Variants in LRRCC1 observed in about 807,000 individuals in gnomAD.
LRRCC1 encodes leucine-rich repeat and coiled-coil domain-containing protein 1.
In LRRCC1, 115 loss-of-function variants were observed where a neutral mutation model predicts 126.0. The ratio of observed to expected loss-of-function variants is 0.91; its 90% confidence interval spans 0.78 to 1.07. The LOEUF is 1.07. LRRCC1 is among the 50% of genes least tolerant of loss of function. The pLI is 0.00. For synonymous variants in LRRCC1, 400 were observed against 393.4 expected, an observed-to-expected ratio of 1.02 and a Z score of -0.20; for missense variants, 1,172 against 1,175.7, an observed-to-expected ratio of 1.00 and a Z score of 0.05.
At chr8:85,142,705 C>T (rs1335234448) in intron 18 of LRRCC1, among the ~76,000 whole-genome samples, 1 of 151,980 alleles carries the variant, frequency 6.6e-6, no homozygotes, top group Non-Finnish European at 1.5e-5. Context: ...TGGCGCATGC[C>T]TGTAGTCACA....
At chr8:85,111,007 AC>A (rs1448469009) in intron 3 of LRRCC1, among the ~76,000 whole-genome samples, 1 of 152,226 alleles carries the variant, frequency 6.6e-6, no homozygotes, top group East Asian at 1.9e-4. Flanking sequence ...CCTAGTCTGT[AC>A]CCTTAAGCTG....
chr8:85,129,237 A>G lies in LRRCC1; in HGVS notation c.1484A>G (p.Lys495Arg), dbSNP rs367832321. The change falls in exon 10 of 19, where the codon AAA becomes AGA. Residue 495 changes from lysine (K) to arginine (R), a missense_variant. Physicochemically the swap from Lys to Arg is conservative, Grantham distance 26. Coordinates refer to ENST00000360375, the MANE Select transcript of LRRCC1 (RefSeq NM_033402.5). ...SKGQLEVMVH[K>R]LQNEIKKLTV... The stretch of plus-strand genomic sequence containing the variant: ...GGACAACTCGAAGTTATGGTTCACA[A>G]ACTTCAAAATGAAATTAAAAAACTG... The G allele has an allele frequency of 9.9e-6, 16 of 1,613,558 alleles. No individual in the cohort carries two copies. The African/African-American group carries it at 1.1e-4, about 11-fold the overall frequency.
At chr8:85,129,489 C>T in intron 10 of LRRCC1, 110 bp downstream of exon 10, 1 of 898,340 alleles carries the variant, frequency 1.1e-6, no homozygotes, top group Non-Finnish European at 1.7e-6. Context: ...AGGCCATATG[C>T]AAAAATTAAA....
chr8:85,135,142 A>G (rs1810760504), intron 13 of LRRCC1, 110 bp downstream of exon 13: 4 of 643,160 alleles, frequency 6.2e-6, no homozygotes, highest in Non-Finnish European at 9.7e-6. Flanking sequence ...GATACTAATT[A>G]TATATTGCAT....
In LRRCC1 at chr8:85,141,500, G is replaced by T; in HGVS notation, c.2959G>T (p.Asp987Tyr). 1 of 1,608,548 alleles carries T rather than the reference G, an allele frequency of 6.2e-7. No homozygotes were observed. Among genetic ancestry groups the T allele is most frequent in the Non-Finnish European group, 8.5e-7 (1 of 1,176,668 alleles). The change falls in exon 18 of 19, where the codon GAT becomes TAT. Residue 987 changes from aspartate to tyrosine, a missense_variant. By Grantham distance (160) the Asp-to-Tyr change is radical. Coordinates refer to ENST00000360375, the MANE Select transcript of LRRCC1 (RefSeq NM_033402.5). ...GGCCAATGAAAAGCAGAAGTGTATTGATTCTGCAAATTTAAAGGTATTGTA... is the reference window on the plus strand; with the variant it reads ...GGCCAATGAAAAGCAGAAGTGTATTTATTCTGCAAATTTAAAGGTATTGTA... Reference protein sequence around the residue: ...QLANEKQKCIDSANLKVHQIE... With the variant: ...QLANEKQKCIYSANLKVHQIE...
At chr8:85,142,831 CA>C (rs35806219) in intron 18 of LRRCC1, among the ~76,000 whole-genome samples, 166 of 119,468 alleles carry the variant, frequency 1.4e-3, no homozygotes, top group Admixed American at 2.8e-3. Context: ...GACCCTGTCT[CA>C]AAAAAAAAAA....
chr8:85,144,402 ATGTGTGTGTG>A (rs56280153), intron 18 of LRRCC1, among the ~76,000 whole-genome samples: 92,968 of 137,848 alleles, frequency 0.67, 31,901 homozygotes, highest in African/African-American at 0.69. Flanking sequence ...TAGAGTTAAA[ATGTGTGTGTG>A]TGTGTGTGTG....
intron 3 of LRRCC1, among the ~76,000 whole-genome samples, chr8:85,111,115 C>A (rs1239771439): frequency 2.0e-5 from 3 of 152,086 alleles, no homozygotes; most frequent in Admixed American, 6.6e-5. Flanking sequence ...TGGTGTCTCA[C>A]GCCTGTAATC....
rs780223501 is a variant in LRRCC1 at position 85,130,056 on chromosome 8, C to T, written c.1764C>T (p.His588=). ...TTCTTGCATTGAAAGAACAGGAACA[C>T]AGGTAAATGAAAAATGTATCAGGAA... ...HQLLALKEQE[H]RKELETREFF... The change falls in exon 11 of 19, where the codon CAC becomes CAT. Residue 588 remains histidine (H), a splice_region_variant and synonymous_variant. Transcript: ENST00000360375. 2 of 1,568,582 alleles carry T rather than the reference C, an allele frequency of 1.3e-6. No individual in the cohort carries two copies. The highest frequency in any genetic ancestry group is 1.7e-6 in the Non-Finnish European group (2 of 1,164,154).
chr8:85,135,064 T>G, intron 13 of LRRCC1, 32 bp downstream of exon 13: 2 of 1,390,574 alleles, frequency 1.4e-6, no homozygotes, highest in Non-Finnish European at 1.9e-6. Flanking sequence ...TGTTTTAAAA[T>G]TTTTTTACAT....
chr8:85,137,883 C>A, intron 15 of LRRCC1, 152 bp from the exon 16 acceptor site: 1 of 528,366 alleles, frequency 1.9e-6, no homozygotes, highest in Non-Finnish European at 3.3e-6. Context: ...CTGGAAATAC[C>A]CAATGTCAAT....
rs766406946 is a variant in LRRCC1 at position 85,115,287 on chromosome 8, A to G, written c.720+12A>G. 1.9e-6 allele frequency: 3 copies of G among 1,571,934 alleles called. No homozygotes were observed. Among genetic ancestry groups the G allele is most frequent in the East Asian group, 4.5e-5 (2 of 44,610 alleles). ...TAAGTGAAGATGAGGTATAGTATTT[A>G]CTTTTTTTTTCCTAATATAAAAAAT... On this transcript the variant is annotated intron_variant, in intron 5 of 18. Coordinates refer to ENST00000360375, the MANE Select transcript of LRRCC1 (RefSeq NM_033402.5).
At chr8:85,109,947 C>G in intron 2 of LRRCC1, 147 bp downstream of exon 2, 2 of 625,226 alleles carry the variant, frequency 3.2e-6, no homozygotes, top group Non-Finnish European at 5.3e-6. Context: ...AAAAAAGTGT[C>G]AATTTTTTAA....
intron 1 of LRRCC1, chr8:85,109,111 G>T (rs1282323847): frequency 6.5e-6 from 1 of 153,668 alleles, no homozygotes; most frequent in Non-Finnish European, 1.4e-5. Flanking sequence ...AAGAATTTGG[G>T]CAAGCTATTT....
At chr8:85,135,528 A>T (rs148372061) in intron 13 of LRRCC1, among the ~76,000 whole-genome samples, 13 of 152,286 alleles carry the variant, frequency 8.5e-5, no homozygotes, top group African/African-American at 2.6e-4. Flanking sequence ...GCTCGTGAAA[A>T]ATTTTGAGTA....
intron 13 of LRRCC1, 27 bp from the exon 14 acceptor site, chr8:85,135,762 C>A: frequency 8.1e-7 from 1 of 1,237,630 alleles, no homozygotes. Context: ...TATAATAATT[C>A]TTATTTTTTT....
chr8:85,118,325 G>A (rs1009665097), intron 6 of LRRCC1, among the ~76,000 whole-genome samples: 1 of 151,928 alleles, frequency 6.6e-6, no homozygotes, highest in African/African-American at 2.4e-5. Context: ...TTTATGAGTA[G>A]AGCTGCAATG....
intron 18 of LRRCC1, among the ~76,000 whole-genome samples, chr8:85,144,199 G>C (rs1811460685): frequency 6.6e-6 from 1 of 151,948 alleles, no homozygotes; most frequent in Non-Finnish European, 1.5e-5. Flanking sequence ...ATTAAAGATA[G>C]GGTTTCTTTG....
rs76410993 is a variant in LRRCC1 at position 85,135,776 on chromosome 8, T to G, written c.2155-13T>G. 1.7e-3 allele frequency: 2,187 copies of G among 1,269,250 alleles called. 5 individuals are homozygous for G. Among genetic ancestry groups the G allele is most frequent in the Middle Eastern group, 2.2e-3 (11 of 4,948 alleles). The allele number at this position is 1,269,250 out of a possible 1,614,324, so 78.6% of individuals were successfully genotyped here. ...ATATAATAATTCTTATTTTTTTTTTTGGGAATATACAGAATCAAATCAACA... is the reference window on the plus strand; with the variant it reads ...ATATAATAATTCTTATTTTTTTTTTGGGGAATATACAGAATCAAATCAACA... On this transcript the variant is annotated splice_polypyrimidine_tract_variant and intron_variant, in intron 13 of 18. Coordinates refer to ENST00000360375, the MANE Select transcript of LRRCC1 (RefSeq NM_033402.5).
Sources: allele counts gnomAD v4.1 joint callset (sites outside exome capture counted in the v4.1 genomes callset), GRCh38; gene constraint gnomAD v4.1.1; transcripts MANE v1.5; gene names NCBI Gene and HGNC (gene_info 2026-07-23, HGNC 2026-07-21).